Variants in ERC2 observed in about 807,000 individuals in gnomAD.
The protein encoded by ERC2 is ELKS/RAB6-interacting/CAST family member 2.
ERC2 carries 42 observed loss-of-function variants against 114.8 expected under a neutral mutation model. The ratio of observed to expected loss-of-function variants is 0.37; its 90% CI spans 0.29 to 0.47. The LOEUF (loss-of-function observed/expected upper bound fraction) is 0.47. Among genes scored for constraint, ERC2 ranks in the 20% least tolerant of loss-of-function variants. ERC2 has a pLI of 0.99. For missense variants in ERC2, 939 were observed against 1,150.7 expected (o/e 0.82, Z 2.66); for synonymous variants, 454 against 425.5 (o/e 1.07, Z -0.82).
At chr3:56,155,911 AG>A (rs2081691414) in intron 4 of ERC2, among the ~76,000 whole-genome samples, 1 of 152,174 alleles carries the variant, frequency 6.6e-6, no homozygotes, top group South Asian at 2.1e-4. Flanking sequence ...GATCATGTTT[AG>A]CTGCTGAGGA....
chr3:56,134,054 G>A (rs1306521560), intron 6 of ERC2, among the ~76,000 whole-genome samples: 1 of 152,150 alleles, frequency 6.6e-6, no homozygotes, highest in African/African-American at 2.4e-5. Flanking sequence ...GCTTGAGTGT[G>A]ACCTCAAAGA....
chr3:56,246,785 C>G (rs911766043), intron 3 of ERC2, among the ~76,000 whole-genome samples: 3 of 152,194 alleles, frequency 2.0e-5, no homozygotes, highest in Non-Finnish European at 4.4e-5. Flanking sequence ...TACTTAGTGT[C>G]CTGAAGCCAT....
At chr3:56,420,670 G>T (rs1478005982) in intron 2 of ERC2, among the ~76,000 whole-genome samples, 2 of 151,612 alleles carry the variant, frequency 1.3e-5, no homozygotes, top group Non-Finnish European at 2.9e-5. Flanking sequence ...CAGATCACGA[G>T]GTCAGGAGAT....
intron 1 of ERC2, among the ~76,000 whole-genome samples, chr3:56,439,290 T>C (rs1348713269): frequency 1.4e-4 from 21 of 152,074 alleles, no homozygotes. Flanking sequence ...AAAAAAAATT[T>C]TTAAATTAGC....
At chr3:56,377,174 C>T (rs1289488672) in intron 2 of ERC2, among the ~76,000 whole-genome samples, 4 of 152,182 alleles carry the variant, frequency 2.6e-5, no homozygotes, top group Non-Finnish European at 5.9e-5. Context: ...TCAGTATATA[C>T]TTGTCAAGTG....
chr3:55,563,794 CAG>C (rs2107491981), intron 17 of ERC2, among the ~76,000 whole-genome samples: 1 of 152,290 alleles, frequency 6.6e-6, no homozygotes, highest in South Asian at 2.1e-4. Flanking sequence ...GAGACAGAGG[CAG>C]AGAGATCTGA....
At chr3:56,199,811 C>A (rs1420610513) in intron 3 of ERC2, among the ~76,000 whole-genome samples, 9 of 152,022 alleles carry the variant, frequency 5.9e-5, no homozygotes, top group Non-Finnish European at 1.2e-4. Flanking sequence ...GCCTGGCCAG[C>A]CATACGCTTT....
At chr3:55,846,819 C>A (rs1407070898) in intron 14 of ERC2, among the ~76,000 whole-genome samples, 2 of 151,958 alleles carry the variant, frequency 1.3e-5, no homozygotes, top group Non-Finnish European at 2.9e-5. Flanking sequence ...TATTCAAAGC[C>A]CTTAATGAGA....
chr3:56,083,818 T>C (rs544651693), intron 6 of ERC2, among the ~76,000 whole-genome samples: 1 of 151,684 alleles, frequency 6.6e-6, no homozygotes, highest in Non-Finnish European at 1.5e-5. Flanking sequence ...ATAGTAGCTA[T>C]ACCAGCAATC....
intron 7 of ERC2, among the ~76,000 whole-genome samples, chr3:56,032,937 A>AAGAAAC (rs767267637): frequency 2.0e-5 from 2 of 99,004 alleles, no homozygotes; most frequent in African/African-American, 3.3e-5. Flanking sequence ...GAAAGAAAGA[A>AAGAAAC]AGAAAGAAAG....
chr3:56,294,822 G>A (rs2055323298), intron 3 of ERC2, among the ~76,000 whole-genome samples: 1 of 152,184 alleles, frequency 6.6e-6, no homozygotes, highest in Non-Finnish European at 1.5e-5. Context: ...TGGATGGGAA[G>A]ACCAGGCCCA....
intron 3 of ERC2, among the ~76,000 whole-genome samples, chr3:56,203,358 G>T (rs897566621): frequency 2.0e-5 from 3 of 152,116 alleles, no homozygotes; most frequent in African/African-American, 7.2e-5. Context: ...TTTGTAGTTC[G>T]TGACCTTTGG....
intron 17 of ERC2, among the ~76,000 whole-genome samples, chr3:55,583,365 G>GCCTTCTTTCCTTCCTTCCTT (rs2057358211): frequency 6.8e-6 from 1 of 146,332 alleles, no homozygotes; most frequent in South Asian, 2.2e-4. Flanking sequence ...CTGCCTGCCT[G>GCCTTCTTTCCTTCCTTCCTT]CCTGCCTTCT....
intron 2 of ERC2, among the ~76,000 whole-genome samples, chr3:56,298,464 C>T (rs907074103): frequency 6.6e-6 from 1 of 151,912 alleles, no homozygotes; most frequent in Non-Finnish European, 1.5e-5. Flanking sequence ...GTGTTAACAA[C>T]CCATTTGTCA....
At chr3:56,149,405 C>T (rs974653083) in intron 4 of ERC2, among the ~76,000 whole-genome samples, 5 of 152,038 alleles carry the variant, frequency 3.3e-5, no homozygotes, top group Non-Finnish European at 7.4e-5. Context: ...ATTACCAAAG[C>T]AACAGTGATA....
intron 7 of ERC2, among the ~76,000 whole-genome samples, chr3:56,035,579 A>T (rs1404223265): frequency 6.6e-6 from 1 of 152,226 alleles, no homozygotes; most frequent in Non-Finnish European, 1.5e-5. Flanking sequence ...TGAATGGATT[A>T]ACGCCATTAT....
intron 5 of ERC2, among the ~76,000 whole-genome samples, chr3:56,140,966 G>A (rs2080820953): frequency 6.6e-6 from 1 of 152,164 alleles, no homozygotes; most frequent in African/African-American, 2.4e-5. Context: ...AGAGGTTGCA[G>A]TGAGCCGAGA....
chr3:55,685,594 G>A (rs1217309350), intron 16 of ERC2, among the ~76,000 whole-genome samples: 3 of 152,104 alleles, frequency 2.0e-5, no homozygotes, highest in Non-Finnish European at 4.4e-5. Flanking sequence ...ATTCATAAAT[G>A]GGTTTCAAGG....
chr3:56,249,365 AT>A, intron 3 of ERC2, among the ~76,000 whole-genome samples: 1 of 152,050 alleles, frequency 6.6e-6, no homozygotes, highest in Admixed American at 6.6e-5. Context: ...TCGCTCTGTC[AT>A]CCAGGCTGGA....
Sources: allele counts gnomAD v4.1 joint callset (sites outside exome capture counted in the v4.1 genomes callset), GRCh38; gene constraint gnomAD v4.1.1; transcripts MANE v1.5; gene names NCBI Gene and HGNC (gene_info 2026-07-23, HGNC 2026-07-21).